ALDH3A2: variants seen among roughly 807,000 people sequenced by gnomAD.
The protein encoded by ALDH3A2 is aldehyde dehydrogenase 3 family member A2, also known as aldehyde dehydrogenase family 3 member A2.
In ALDH3A2, 36 loss-of-function variants were observed where a neutral mutation model predicts 51.3. That is an observed-to-expected ratio of 0.70 (90% CI 0.54 to 0.93). The LOEUF (loss-of-function observed/expected upper bound fraction) is 0.93. Ranked by LOEUF, ALDH3A2 falls within the 40% of genes least tolerant of loss-of-function variation. ALDH3A2 has a pLI of 0.00. For missense variants in ALDH3A2, 552 were observed against 603.1 expected (o/e 0.92, Z 0.89); for synonymous variants, 199 against 219.8 (o/e 0.91, Z 0.84).
chr17:19,669,645 T>G (rs1457375246), intron 8 of ALDH3A2, among the ~76,000 whole-genome samples: 1 of 152,134 alleles, frequency 6.6e-6, no homozygotes, highest in Non-Finnish European at 1.5e-5. Context: ...TTCTTTTTTT[T>G]CTTGTTTGAG....
chr17:19,666,107 G>A (rs1393463841), intron 8 of ALDH3A2, among the ~76,000 whole-genome samples: 3 of 152,042 alleles, frequency 2.0e-5, no homozygotes, highest in Non-Finnish European at 4.4e-5. Context: ...TGGAAATGGT[G>A]GTGGCTTGTA....
intron 7 of ALDH3A2, among the ~76,000 whole-genome samples, chr17:19,664,663 A>G (rs1371437961): frequency 2.6e-5 from 4 of 152,034 alleles, no homozygotes; most frequent in East Asian, 1.9e-4. Flanking sequence ...GGGGAGTACA[A>G]CTCCAGGTTG....
intron 1 of ALDH3A2, chr17:19,649,482 CTTTTCT>C (rs1438779737): frequency 2.5e-4 from 17 of 68,396 alleles, no homozygotes; most frequent in Non-Finnish European, 4.9e-4. Context: ...GGGTTTCTTT[CTTTTCT>C]TTTTTTTTAA....
At position 19,673,104 on chromosome 17, in the gene ALDH3A2, G is replaced by T. The variant is rs562837385; in HGVS notation, c.1443+1148G>T. 6.2e-6 allele frequency: 10 copies of T among 1,613,364 alleles called. No homozygotes were observed. In the South Asian group the frequency reaches 8.8e-5, roughly 14 times the overall value. Reference sequence around the variant, plus strand: ...CATCTTACAGTATCCCAGCCTTAGTGGAATTGGAGATACCAGTTGCATTTG... The same window carrying T: ...CATCTTACAGTATCCCAGCCTTAGTTGAATTGGAGATACCAGTTGCATTTG... On this transcript the variant is annotated intron_variant, in intron 9 of 9. Transcript: ENST00000176643.
In ALDH3A2 at chr17:19,648,996, C is replaced by G; in HGVS notation, c.25C>G (p.Arg9Gly). The G allele has an allele frequency of 6.3e-7, 1 of 1,585,824 alleles. No homozygotes were observed. Among genetic ancestry groups the G allele is most frequent in the Non-Finnish European group, 8.6e-7 (1 of 1,167,004 alleles). MELEVRRVRQAFLSGRSRP... is the reference protein window; with the variant it reads MELEVRRVGQAFLSGRSRP... ...CATGGAGCTCGAAGTCCGGCGGGTC[C>G]GACAGGCGTTCCTGTCCGGCCGGTC... The change falls in exon 1 of 10, where the codon CGA (arginine) becomes GGA (glycine). Residue 9 changes from arginine to glycine, a missense_variant. Transcript: ENST00000176643.
intron 9 of ALDH3A2, among the ~76,000 whole-genome samples, chr17:19,673,902 A>G (rs1192240960): frequency 6.6e-6 from 1 of 152,124 alleles, no homozygotes; most frequent in African/African-American, 2.4e-5. Context: ...TGAAGCATAC[A>G]TCATTTCTTG....
At chr17:19,667,423 T>C (rs2085053610) in intron 8 of ALDH3A2, among the ~76,000 whole-genome samples, 4 of 152,248 alleles carry the variant, frequency 2.6e-5, no homozygotes, top group Admixed American at 2.6e-4. Context: ...GTAATTACTC[T>C]GTTAAAAGGG....
At chr17:19,672,022 T>C in intron 9 of ALDH3A2, 66 bp downstream of exon 9, 1 of 1,367,328 alleles carries the variant, frequency 7.3e-7, no homozygotes, top group Non-Finnish European at 1.0e-6. Context: ...CAGATGCATA[T>C]TCTAGCAGGA....
chr17:19,669,165 T>C (rs2085078088), intron 8 of ALDH3A2, among the ~76,000 whole-genome samples: 1 of 151,512 alleles, frequency 6.6e-6, no homozygotes, highest in East Asian at 2.0e-4. Context: ...TAGCTGGGCA[T>C]TGTGGCATGC....
At chr17:19,652,658 A>G (rs370969679) in intron 3 of ALDH3A2, 26 bp downstream of exon 3, 13 of 1,540,336 alleles carry the variant, frequency 8.4e-6, no homozygotes, top group African/African-American at 1.4e-5. Flanking sequence ...CTCATCTCCA[A>G]CATATGTGTT....
chr17:19,675,418 G>T lies in ALDH3A2; in HGVS notation c.1444-140G>T, dbSNP rs1177393548. 5 of 865,816 alleles carry T rather than the reference G, an allele frequency of 5.8e-6. No individual in the cohort carries two copies. The Admixed American group carries it at 9.5e-5, about 16-fold the overall frequency. 53.6% of individuals were successfully genotyped at this position (865,816 alleles called of 1,614,324 possible). A position where few individuals can be genotyped will look rare whatever the true frequency, so the allele number is the denominator to read the frequency against. On this transcript the variant is annotated intron_variant, in intron 9 of 9. Coordinates refer to ENST00000176643, the MANE Select transcript of ALDH3A2 (RefSeq NM_000382.3). ...TTCCTAGGCTTCCTAGGGATATGTA[G>T]TCCTTTTTTGTACAATGCATGTAGA...
Position 19,671,911 on chromosome 17 carries a change from C to A in ALDH3A2, c.1398C>A (p.Leu466=). 1 of 1,614,180 alleles carries A rather than the reference C, an allele frequency of 6.2e-7. No individual in the cohort carries two copies. The highest frequency in any genetic ancestry group is 8.5e-7 in the Non-Finnish European group (1 of 1,180,034). ...GGTTCAACAAAGAAAAACTCGGTCT[C>A]CTGTTGCTCACTTTCCTGGGTATTG... ...LKRFNKEKLG[L]LLLTFLGIVA... is the part of the protein sequence containing the mutation. Residue 466 remains leucine, a synonymous_variant, in exon 9 of 10, where the codon CTC becomes CTA. Transcript: ENST00000176643.
intron 8 of ALDH3A2, among the ~76,000 whole-genome samples, chr17:19,667,570 C>A (rs1449869949): frequency 6.9e-6 from 1 of 144,880 alleles, no homozygotes; most frequent in Non-Finnish European, 1.5e-5. Context: ...TTTTTTTTTT[C>A]TTTTTATCGA....
intron 8 of ALDH3A2, 26 bp downstream of exon 8, chr17:19,665,073 A>G (rs1343307803): frequency 6.3e-7 from 1 of 1,578,546 alleles, no homozygotes; most frequent in South Asian, 1.1e-5. Context: ...TCCTGCTTGT[A>G]GTAGATATTT....
intron 9 of ALDH3A2, 123 bp from the exon 10 acceptor site, chr17:19,675,435 G>A: frequency 1.0e-6 from 1 of 984,354 alleles, no homozygotes. Context: ...TTTGTACAAT[G>A]CATGTAGAGT....
At chr17:19,671,271 A>G (rs1192874976) in intron 8 of ALDH3A2, among the ~76,000 whole-genome samples, 4 of 152,230 alleles carry the variant, frequency 2.6e-5, no homozygotes, top group Non-Finnish European at 2.9e-5. Context: ...AAGAGAGCAC[A>G]TATAGCATTT....
chr17:19,655,342 T>C (rs2084880580), intron 3 of ALDH3A2: 1 of 152,226 alleles, frequency 6.6e-6, no homozygotes, highest in Admixed American at 6.5e-5. Context: ...GACAGTGAGA[T>C]GTCAAGGATT....
chr17:19,661,051 A>G, intron 5 of ALDH3A2, 76 bp from the exon 6 acceptor site: 1 of 1,427,002 alleles, frequency 7.0e-7, no homozygotes, highest in South Asian at 1.2e-5. Flanking sequence ...ATTTTGGGGC[A>G]TGGCTGGATT....
In ALDH3A2 at chr17:19,648,836, T is replaced by C. The variant is rs892845093; in HGVS notation, c.-136T>C. ...AGCGAGCGAGCCCTGGGCGAGTGAA[T>C]TGTGGCTGTGGGTTGACGGTGGAGA... On this transcript the variant is annotated 5_prime_UTR_variant, in exon 1 of 10. Coordinates refer to ENST00000176643, the MANE Select transcript of ALDH3A2 (RefSeq NM_000382.3). 9 of 1,216,160 alleles carry C rather than the reference T, an allele frequency of 7.4e-6. No individual in the cohort carries two copies. The African/African-American group carries it at 1.2e-4, about 16-fold the overall frequency. 75.3% of individuals were successfully genotyped at this position (1,216,160 alleles called of 1,614,324 possible). A position where few individuals can be genotyped will look rare whatever the true frequency, so the allele number is the denominator to read the frequency against.
Sources: gnomAD v4.1 joint callset for allele counts (sites outside exome capture counted in the v4.1 genomes callset) on GRCh38, gnomAD v4.1.1 for gene constraint, MANE v1.5 for transcripts, NCBI Gene and HGNC (gene_info 2026-07-23, HGNC 2026-07-21) for gene names.